The following WBP11 variants were observed in gnomAD, a reference collection of about 807,000 sequenced individuals.
WBP11 encodes the protein WW domain binding protein 11.
A neutral mutation model predicts 66.7 loss-of-function variants in WBP11; 12 were observed. The observed-to-expected ratio is 0.18, with a 90% CI of 0.12 to 0.29. The LOEUF (loss-of-function observed/expected upper bound fraction) is 0.29, where lower values mean the gene tolerates loss of function less well. Ranked by LOEUF, WBP11 falls within the 10% of genes least tolerant of loss-of-function variation. The pLI, the probability that WBP11 is intolerant of heterozygous loss-of-function variation, is 1.00. For synonymous variants in WBP11, 255 were observed against 273.8 expected (o/e 0.93, Z 0.68); for missense variants, 555 against 818.3 (o/e 0.68, Z 3.93).
intron 8 of WBP11, 96 bp downstream of exon 8, chr12:14,793,635 A>AT: frequency 7.1e-6 from 10 of 1,416,444 alleles, no homozygotes; most frequent in Non-Finnish European, 9.5e-6. Context: ...ACTTCCAAAG[A>AT]TTTCAGAGTA....
At position 14,796,200 on chromosome 12, in the gene WBP11, G is replaced by A. The variant is rs1306815028; in HGVS notation, c.387+607C>T. Among the ~76,000 whole-genome samples, 1 of 152,012 alleles carries A rather than the reference G, an allele frequency of 6.6e-6. No individual in the cohort carries two copies. Among genetic ancestry groups the A allele is most frequent in the East Asian group, 1.9e-4 (1 of 5,192 alleles). On this transcript the variant is annotated intron_variant, in intron 5 of 11. Coordinates refer to ENST00000261167, the MANE Select transcript of WBP11 (RefSeq NM_016312.3). The surrounding 1 kb of genome is among the most constrained non-coding windows in gnomAD (Gnocchi z 4.5). The stretch of plus-strand genomic sequence containing the variant: ...CTTTTTTTATTCCATGCTGTTTTGA[G>A]TATTAGATTATTCCTTTTATTGCTG...
Position 14,798,514 on chromosome 12 carries a change from A to G in WBP11, c.190+1121T>C, listed in dbSNP as rs577961782. On this transcript the variant is annotated intron_variant, in intron 4 of 11. Coordinates refer to ENST00000261167, the MANE Select transcript of WBP11 (RefSeq NM_016312.3). The stretch of plus-strand genomic sequence containing the variant: ...ATTCCCTGATTCCCCAAGGAAAGTA[A>G]TTATCCCTGCTGATATTTAGACCAG... 3.3e-5 allele frequency among the ~76,000 whole-genome samples: 5 copies of G among 152,342 alleles called. No homozygotes were observed. The East Asian group carries it at 9.6e-4, about 29-fold the overall frequency.
At position 14,793,854 on chromosome 12, in the gene WBP11, G is replaced by T; in HGVS notation, c.790C>A (p.Gln264Lys). 1 of 1,613,724 alleles carries T rather than the reference G, an allele frequency of 6.2e-7. No individual in the cohort carries two copies. ...TCAGTACTGTCATCATGCTTATCTT[G>T]ATCCATGTCCTCAGGATAGCCATCA... ...EDDGYPEDMD[Q>K]DKHDDSTDDS... is the part of the protein sequence containing the mutation. The change falls in exon 8 of 12, where the codon CAA (glutamine) becomes AAA (lysine). Residue 264 changes from glutamine to lysine, a missense_variant. Around this residue, in one of 6 missense-constraint regions of WBP11, gnomAD observed 220 missense variants for 268.2 expected, o/e 0.82. Transcript: ENST00000261167.
intron 1 of WBP11, among the ~76,000 whole-genome samples, chr12:14,802,508 C>G (rs1949977620): frequency 6.6e-6 from 1 of 152,118 alleles, no homozygotes; most frequent in Admixed American, 6.5e-5. Flanking sequence ...TTTTAGCTTC[C>G]TCATCTAAAA....
Position 14,786,280 on chromosome 12 carries a change from A to G in WBP11, c.*785T>C, listed in dbSNP as rs1393634053. ...ACCTCTCAGTTTCTCTAAAGCCAGT[A>G]TGACAATCTTAAAAAAGGGAAATAA... On this transcript the variant is annotated 3_prime_UTR_variant, in exon 12 of 12. Coordinates refer to ENST00000261167, the MANE Select transcript of WBP11 (RefSeq NM_016312.3). 1 of 152,228 alleles carries G rather than the reference A, an allele frequency of 6.6e-6. No homozygotes were observed. The highest frequency in any genetic ancestry group is 1.5e-5 in the Non-Finnish European group (1 of 68,022). 9.4% of individuals were successfully genotyped at this position (152,228 alleles called of 1,614,324 possible).
At chr12:14,797,178 C>G (rs540607661) in intron 4 of WBP11, among the ~76,000 whole-genome samples, 175 bp from the exon 5 acceptor site, 1 of 152,228 alleles carries the variant, frequency 6.6e-6, no homozygotes, top group East Asian at 1.9e-4. Context: ...AAATCCCCAC[C>G]CTTTTTAGAT....
chr12:14,794,541 T>C lies in WBP11; in HGVS notation c.717A>G (p.Glu239=), dbSNP rs755510028. ...RRDEDMLYSP[E]LAQRGHDDDV... is the part of the protein sequence containing the mutation. Reference sequence around the variant, plus strand: ...AAAAGAACAGTCACTTCTCACCAAGTTCAGGACTATATAACATGTCTTCAT... The same window carrying C: ...AAAAGAACAGTCACTTCTCACCAAGCTCAGGACTATATAACATGTCTTCAT... The change falls in exon 7 of 12, where the codon GAA becomes GAG. Residue 239 remains glutamate, a synonymous_variant. Transcript: ENST00000261167. 1.2e-6 allele frequency: 2 copies of C among 1,613,406 alleles called. No homozygotes were observed. Among genetic ancestry groups the C allele is most frequent in the South Asian group, 2.2e-5 (2 of 91,048 alleles).
Position 14,792,326 on chromosome 12 carries a change from C to T in WBP11, c.914-1056G>A, listed in dbSNP as rs1331694228. Among the ~76,000 whole-genome samples, 3 of 152,214 alleles carry T rather than the reference C, an allele frequency of 2.0e-5. No individual in the cohort carries two copies. In the South Asian group the frequency reaches 6.2e-4, roughly 32 times the overall value. On this transcript the variant is annotated intron_variant, in intron 8 of 11. Transcript: ENST00000261167. ...ATAAAAAGAACTTAACTGACAAAGGCTATCCATTAGACACTGGATAGGAGT... is the reference window on the plus strand; with the variant it reads ...ATAAAAAGAACTTAACTGACAAAGGTTATCCATTAGACACTGGATAGGAGT...
In WBP11 at chr12:14,786,384, G is replaced by C. The variant is rs1318242088; in HGVS notation, c.*681C>G. On this transcript the variant is annotated 3_prime_UTR_variant, in exon 12 of 12. Transcript: ENST00000261167. ...TAAGATTCTCATTCTGTACCAGAAA[G>C]GCAGTTCCTTAAAGACCCAAGTTTT... 1.3e-5 allele frequency: 2 copies of C among 152,144 alleles called. No individual in the cohort carries two copies. The highest frequency in any genetic ancestry group is 4.8e-5 in the African/African-American group (2 of 41,428). The allele number at this position is 152,144 out of a possible 1,614,324, so 9.4% of individuals were successfully genotyped here.
intron 1 of WBP11, 31 bp downstream of exon 1, chr12:14,803,321 G>GA (rs201175167): frequency 0.027 from 10,872 of 398,244 alleles, 167 homozygotes; most frequent in Middle Eastern, 0.061. Context: ...AAGAGGTGAG[G>GA]AAGAGTAGTA....
intron 7 of WBP11, 47 bp downstream of exon 7, chr12:14,794,490 A>G (rs1949864927): frequency 6.2e-7 from 1 of 1,603,832 alleles, no homozygotes; most frequent in African/African-American, 1.3e-5. Flanking sequence ...AACAGGGCCA[A>G]CATAAAAAAT....
At chr12:14,794,133 A>C (rs1949859701) in intron 7 of WBP11, among the ~76,000 whole-genome samples, 1 of 152,042 alleles carries the variant, frequency 6.6e-6, no homozygotes, top group Non-Finnish European at 1.5e-5. Flanking sequence ...TCTTTTTGGT[A>C]ATTTAAGATT....
rs560104609 is a variant in WBP11, at chr12:14,785,219, A to C, written c.*1846T>G. On this transcript the variant is annotated 3_prime_UTR_variant, in exon 12 of 12. Coordinates refer to ENST00000261167, the MANE Select transcript of WBP11 (RefSeq NM_016312.3). Reference sequence around the variant, plus strand: ...CAGGAGTTTCAGGCTGCAGTGAGCTATGATCACATCACTGCACTGCAGCCT... The same window carrying C: ...CAGGAGTTTCAGGCTGCAGTGAGCTCTGATCACATCACTGCACTGCAGCCT... 8 of 152,310 alleles carry C rather than the reference A, an allele frequency of 5.3e-5. No individual in the cohort carries two copies. Among genetic ancestry groups the C allele is most frequent in the African/African-American group, 1.7e-4 (7 of 41,562 alleles). 9.4% of individuals were successfully genotyped at this position (152,310 alleles called of 1,614,324 possible). A position where few individuals can be genotyped will look rare whatever the true frequency, so the allele number is the denominator to read the frequency against.
intron 3 of WBP11, among the ~76,000 whole-genome samples, chr12:14,800,103 T>C (rs1343498107): frequency 6.6e-6 from 1 of 152,172 alleles, no homozygotes; most frequent in Non-Finnish European, 1.5e-5. Flanking sequence ...TGAAGCTAAA[T>C]TCTAAAATTA....
chr12:14,799,835 G>T, intron 3 of WBP11, 107 bp from the exon 4 acceptor site: 1 of 1,001,540 alleles, frequency 1.0e-6, no homozygotes, highest in Non-Finnish European at 1.4e-6. Flanking sequence ...CTGATCACTT[G>T]TTTCAACCAC....
At chr12:14,791,097 G>A (rs1348972421) in intron 9 of WBP11, 72 bp downstream of exon 9, 1 of 1,443,710 alleles carries the variant, frequency 6.9e-7, no homozygotes, top group Non-Finnish European at 9.6e-7. Context: ...GATACTAAAT[G>A]GAAAAACGTA....
Position 14,801,445 on chromosome 12 carries a change from A to G in WBP11, c.-45-17T>C. 1.3e-6 allele frequency: 2 copies of G among 1,504,638 alleles called. No individual in the cohort carries two copies. Among genetic ancestry groups the G allele is most frequent in the Admixed American group, 3.4e-5 (2 of 58,782 alleles). 93.2% of individuals were successfully genotyped at this position (1,504,638 alleles called of 1,614,324 possible). ...AAGAAAAACCTGTGAAGGTGAAGAC[A>G]AAGAAATAGCTTATATCTCCTAAAT... On this transcript the variant is annotated splice_polypyrimidine_tract_variant and intron_variant, in intron 1 of 11. Transcript: ENST00000261167.
At chr12:14,795,317 G>GT (rs897734869) in intron 5 of WBP11, among the ~76,000 whole-genome samples, 5 of 151,950 alleles carry the variant, frequency 3.3e-5, no homozygotes, top group Non-Finnish European at 5.9e-5. Flanking sequence ...GAACCCAGCT[G>GT]TTTTTTTTCT....
Position 14,788,967 on chromosome 12 carries a change from A to G in WBP11, c.1476T>C (p.Pro492=). The change falls in exon 11 of 12, where the codon CCT becomes CCC. Residue 492 remains proline, a synonymous_variant. Transcript: ENST00000261167. ...AAGCATCACCTGGAGGTGCAGGGGG[A>G]GGTAGCCTTGGTGGGGGTCCACGAG... ...PPPRGPPPRL[P]PPAPPGIPPP... The G allele has an allele frequency of 2.8e-6, 4 of 1,442,698 alleles. No homozygotes were observed. The highest frequency in any genetic ancestry group is 1.6e-5 in the South Asian group (1 of 63,642). 89.4% of individuals were successfully genotyped at this position (1,442,698 alleles called of 1,614,324 possible). A position where few individuals can be genotyped will look rare whatever the true frequency, so the allele number is the denominator to read the frequency against.
Sources: gnomAD v4.1 joint callset for allele counts (sites outside exome capture counted in the v4.1 genomes callset) on GRCh38, gnomAD v4.1.1 for gene constraint, gnomAD v4.1.1 regional missense constraint, Gnocchi (gnomAD v3.1) non-coding constraint, MANE v1.5 for transcripts, NCBI Gene and HGNC (gene_info 2026-07-23, HGNC 2026-07-21) for gene names.